Variants in GCA observed in about 807,000 individuals in gnomAD.
GCA encodes grancalcin.
GCA carries 30 observed loss-of-function variants against 32.6 expected under a neutral mutation model. The observed-to-expected ratio is 0.92, with a 90% CI of 0.69 to 1.25. The LOEUF is 1.25. Among genes scored for constraint, GCA ranks in the 50% most tolerant of loss-of-function variants. The probability of loss-of-function intolerance (pLI) is 0.00; values close to 1 mark genes in which losing one functional copy is unlikely to be tolerated. For synonymous variants in GCA, 102 were observed against 84.6 expected (o/e 1.21, Z -1.13); for missense variants, 291 against 266.8 (o/e 1.09, Z -0.63).
chr2:162,356,502 A>G, intron 4 of GCA, 21 bp downstream of exon 4: 1 of 1,444,802 alleles, frequency 6.9e-7, no homozygotes, highest in Non-Finnish European at 9.7e-7. Flanking sequence ...ATAGAAATAG[A>G]AAATACTAGA....
intron 1 of GCA, among the ~76,000 whole-genome samples, chr2:162,329,896 C>T (rs1684017062): frequency 6.6e-6 from 1 of 152,116 alleles, no homozygotes; most frequent in South Asian, 2.1e-4. Flanking sequence ...CATCATTTAG[C>T]TCCGACTTAT....
intron 1 of GCA, among the ~76,000 whole-genome samples, chr2:162,326,535 G>A (rs1254665550): frequency 6.6e-6 from 1 of 150,676 alleles, no homozygotes; most frequent in African/African-American, 2.4e-5. Context: ...CTTTTTTTTT[G>A]AGATGGAATC....
At chr2:162,358,932 T>G (rs540970412) in intron 5 of GCA, 112 bp from the exon 6 acceptor site, 1 of 553,026 alleles carries the variant, frequency 1.8e-6, no homozygotes, top group South Asian at 2.5e-5. Context: ...TGTTTCTAAT[T>G]ATATTTTTGT....
intron 3 of GCA, among the ~76,000 whole-genome samples, chr2:162,354,499 G>T (rs1685160935): frequency 6.6e-6 from 1 of 152,184 alleles, no homozygotes; most frequent in Non-Finnish European, 1.5e-5. Flanking sequence ...CTGCTGGGTT[G>T]GAAGTAGGTG....
chr2:162,333,049 CAG>C (rs2105278103), intron 1 of GCA, among the ~76,000 whole-genome samples: 1 of 152,208 alleles, frequency 6.6e-6, no homozygotes, highest in South Asian at 2.1e-4. Context: ...AATATGGTAT[CAG>C]GGCTTTCTTA....
rs1159759405 is a variant in GCA at position 162,347,568 on chromosome 2, A to G, written c.28-10A>G. 1.3e-6 allele frequency: 2 copies of G among 1,559,102 alleles called. No individual in the cohort carries two copies. The highest frequency in any genetic ancestry group is 1.7e-6 in the Non-Finnish European group (2 of 1,143,920). ...TATATTACTAACCTTCTCCCCTTTC[A>G]CTATTATAGTTTGGAAATTTTAGCA... On this transcript the variant is annotated splice_polypyrimidine_tract_variant and intron_variant, in intron 1 of 7. Coordinates refer to ENST00000437150, the MANE Select transcript of GCA (RefSeq NM_012198.5).
At chr2:162,324,931 G>A (rs984813943) in intron 1 of GCA, among the ~76,000 whole-genome samples, 1 of 152,170 alleles carries the variant, frequency 6.6e-6, no homozygotes, top group Admixed American at 6.5e-5. Flanking sequence ...TCCTGGCAAA[G>A]GAGAGCCATC....
At chr2:162,325,132 G>A (rs1683829212) in intron 1 of GCA, among the ~76,000 whole-genome samples, 1 of 152,212 alleles carries the variant, frequency 6.6e-6, no homozygotes, top group Non-Finnish European at 1.5e-5. Context: ...ACCCTGACCT[G>A]TTTCAGCCTG....
chr2:162,362,127 C>A lies in GCA; in HGVS notation c.*1884C>A, dbSNP rs1685598287. 1.0e-6 allele frequency: 1 copy of A among 984,634 alleles called. No individual in the cohort carries two copies. Among genetic ancestry groups the A allele is most frequent in the Non-Finnish European group, 1.2e-6 (1 of 829,424 alleles). 61.0% of individuals were successfully genotyped at this position (984,634 alleles called of 1,614,324 possible). ...CTATGAAGGAGCTTCCATGGCCAAACATATTTAGAAACTCTCACTTTCTAA... is the reference window on the plus strand; with the variant it reads ...CTATGAAGGAGCTTCCATGGCCAAAAATATTTAGAAACTCTCACTTTCTAA... On this transcript the variant is annotated 3_prime_UTR_variant, in exon 8 of 8. Coordinates refer to ENST00000437150, the MANE Select transcript of GCA (RefSeq NM_012198.5).
chr2:162,368,471 GTATCTAAAATAA>G (rs1228026417), intron 4 of GCA, among the ~76,000 whole-genome samples: 1 of 151,958 alleles, frequency 6.6e-6, no homozygotes, highest in Non-Finnish European at 1.5e-5. Context: ...TTAAATAACA[GTATCTAAAATAA>G]TATCTAAAAT....
At chr2:162,366,036 A>G (rs1375176687), downstream of GCA, among the ~76,000 whole-genome samples, 1 of 151,742 alleles carries the variant, frequency 6.6e-6, no homozygotes, top group Non-Finnish European at 1.5e-5. Flanking sequence ...ATATAAAAAC[A>G]TTAAAATACA....
intron 3 of GCA, among the ~76,000 whole-genome samples, chr2:162,353,181 A>G (rs1261387778): frequency 6.6e-6 from 1 of 152,156 alleles, no homozygotes; most frequent in Non-Finnish European, 1.5e-5. Context: ...ATATAAAAAA[A>G]AAATACGGCC....
chr2:162,366,335 G>A (rs1685749456), downstream of GCA, among the ~76,000 whole-genome samples: 1 of 151,754 alleles, frequency 6.6e-6, no homozygotes, highest in South Asian at 2.1e-4. Context: ...AATTGATATG[G>A]TTCCGTGTTC....
downstream of GCA, among the ~76,000 whole-genome samples, chr2:162,375,157 C>G (rs1290153799): frequency 6.6e-6 from 1 of 152,166 alleles, no homozygotes; most frequent in Non-Finnish European, 1.5e-5. Context: ...TCAGATTTAT[C>G]ATAAATATTT....
chr2:162,349,071 AATATATCATATAAATGTATT>A (rs1268229424), intron 2 of GCA, among the ~76,000 whole-genome samples: 2,234 of 151,540 alleles, frequency 0.015, 61 homozygotes, highest in African/African-American at 0.051. Context: ...ATTAAATTAT[AATATATCATATAAATGTATT>A]ATTAATAATT....
chr2:162,322,694 G>T (rs1026847983), intron 1 of GCA, among the ~76,000 whole-genome samples: 23 of 150,666 alleles, frequency 1.5e-4, no homozygotes, highest in Admixed American at 5.9e-4. Flanking sequence ...TACTGAGAAT[G>T]ATGATTTCCA....
intron 1 of GCA, among the ~76,000 whole-genome samples, chr2:162,322,426 C>T (rs1683706620): frequency 6.9e-6 from 1 of 145,764 alleles, no homozygotes; most frequent in Non-Finnish European, 1.5e-5. Flanking sequence ...TATTATTATA[C>T]TTTAAGTTTT....
rs758103993 is a variant in GCA, at chr2:162,352,449, G to A, written c.262+42G>A. 5.2e-6 allele frequency: 6 copies of A among 1,162,000 alleles called. No individual in the cohort carries two copies. The African/African-American group carries it at 7.7e-5, about 15-fold the overall frequency. 72.0% of individuals were successfully genotyped at this position (1,162,000 alleles called of 1,614,324 possible). On this transcript the variant is annotated intron_variant, in intron 3 of 7. Coordinates refer to ENST00000437150, the MANE Select transcript of GCA (RefSeq NM_012198.5). ...CCTTTTGTTGAAATTATAATAGGAA[G>A]TTTATTTTCTTACTTTTTTTGTCCC...
At chr2:162,350,089 AT>A (rs1684915282) in intron 2 of GCA, among the ~76,000 whole-genome samples, 1 of 152,184 alleles carries the variant, frequency 6.6e-6, no homozygotes, top group African/African-American at 2.4e-5. Flanking sequence ...AATAGTCACC[AT>A]CCCAGATACC....
Sources: allele counts gnomAD v4.1 joint callset (sites outside exome capture counted in the v4.1 genomes callset), GRCh38; gene constraint gnomAD v4.1.1; transcripts MANE v1.5; gene names NCBI Gene and HGNC (gene_info 2026-07-23, HGNC 2026-07-21).